SP3: variants seen among roughly 807,000 people sequenced by gnomAD.
The protein encoded by SP3 is Sp3 transcription factor.
A neutral mutation model predicts 70.3 loss-of-function variants in SP3; 10 were observed. The observed-to-expected ratio is 0.14, with a 90% confidence interval of 0.09 to 0.24. The LOEUF (loss-of-function observed/expected upper bound fraction) is 0.24. SP3 is among the 10% of genes least tolerant of loss of function. The pLI, the probability that SP3 is intolerant of heterozygous loss-of-function variation, is 1.00. For missense variants in SP3, 825 were observed against 914.6 expected (o/e 0.90, Z 1.26); for synonymous variants, 402 against 333.5 (o/e 1.21, Z -2.24).
chr2:173,912,489 A>C (rs897392074), intron 6 of SP3, among the ~76,000 whole-genome samples: 4 of 152,230 alleles, frequency 2.6e-5, no homozygotes, highest in Admixed American at 1.3e-4. Flanking sequence ...GGAAAAAACT[A>C]TCTCTAAGTT....
chr2:173,930,578 C>G (rs1690040090), intron 4 of SP3, among the ~76,000 whole-genome samples: 1 of 152,158 alleles, frequency 6.6e-6, no homozygotes, highest in African/African-American at 2.4e-5. Flanking sequence ...AGTTAAAATA[C>G]AATTTGTTTT....
chr2:173,950,755 G>A (rs1192941878), intron 4 of SP3, among the ~76,000 whole-genome samples: 1 of 151,792 alleles, frequency 6.6e-6, no homozygotes, highest in Non-Finnish European at 1.5e-5. Flanking sequence ...AAACAAAAAT[G>A]TTTTGCTCTG....
intron 4 of SP3, among the ~76,000 whole-genome samples, chr2:173,924,013 C>T (rs1473957706): frequency 6.6e-6 from 1 of 151,834 alleles, no homozygotes; most frequent in African/African-American, 2.4e-5. Flanking sequence ...TATAACTTCA[C>T]TAATGCTAAA....
rs1156786551 is a variant in SP3, at chr2:173,906,453, T to C, written c.*3488A>G. On this transcript the variant is annotated 3_prime_UTR_variant, in exon 7 of 7. Transcript: ENST00000310015. ...CAACAAAAGACTTAGTACTCATTCA[T>C]GGCAGTCAGTTTTAAACATACTGTT... The C allele has an allele frequency of 6.6e-6, 1 of 152,246 alleles. No homozygotes were observed. Among genetic ancestry groups the C allele is most frequent in the African/African-American group, 2.4e-5 (1 of 41,454 alleles). 9.4% of individuals were successfully genotyped at this position (152,246 alleles called of 1,614,324 possible). A position where few individuals can be genotyped will look rare whatever the true frequency, so the allele number is the denominator to read the frequency against.
intron 4 of SP3, among the ~76,000 whole-genome samples, chr2:173,950,239 C>T (rs533574782): frequency 6.7e-6 from 1 of 149,564 alleles, no homozygotes; most frequent in Non-Finnish European, 1.5e-5. Flanking sequence ...AATACAGGCT[C>T]GAGTAGAGGT....
At chr2:173,948,189 C>G (rs1399955418) in intron 4 of SP3, among the ~76,000 whole-genome samples, 1 of 152,146 alleles carries the variant, frequency 6.6e-6, no homozygotes, top group Non-Finnish European at 1.5e-5. Context: ...GACCTAAATA[C>G]TTAGCAAGTA....
At chr2:173,963,974 G>A (rs1329523390) in intron 2 of SP3, 91 bp from the exon 3 acceptor site, 31 of 879,066 alleles carry the variant, frequency 3.5e-5, no homozygotes, top group Non-Finnish European at 3.2e-6. Flanking sequence ...GTACGACTCG[G>A]TCCCCGCCGA....
At chr2:173,960,197 A>C (rs1294970674) in intron 3 of SP3, among the ~76,000 whole-genome samples, 1 of 152,218 alleles carries the variant, frequency 6.6e-6, no homozygotes, top group Non-Finnish European at 1.5e-5. Context: ...ATCTAACATG[A>C]ATGTTGGCAT....
At chr2:173,915,303 T>C (rs1046856270) in intron 5 of SP3, 3 of 152,088 alleles carry the variant, frequency 2.0e-5, no homozygotes, top group Admixed American at 1.3e-4. Flanking sequence ...CAAAATTCTA[T>C]TTAAAAAGAA....
chr2:173,932,625 G>T (rs181823544), intron 4 of SP3, among the ~76,000 whole-genome samples: 2 of 152,276 alleles, frequency 1.3e-5, no homozygotes, highest in East Asian at 3.9e-4. Context: ...ATGGGTGCAT[G>T]GTCTGTTGTG....
Position 173,965,225 on chromosome 2 carries a change from G to A in SP3, c.-54C>T, listed in dbSNP as rs1385949383. 2.6e-6 allele frequency: 4 copies of A among 1,541,162 alleles called. No homozygotes were observed. The highest frequency in any genetic ancestry group is 2.5e-5 in the East Asian group (1 of 40,420). On this transcript the variant is annotated 5_prime_UTR_variant, in exon 1 of 7. Coordinates refer to ENST00000310015, the MANE Select transcript of SP3 (RefSeq NM_003111.5). ...TCCCCGCCGCCTTACACATGGTGAG[G>A]AGCGAAGGCGGCGGCGGCGGGAGAG... is the stretch of plus-strand genomic sequence containing the variant.
chr2:173,918,476 C>T, intron 5 of SP3, 117 bp downstream of exon 5: 1 of 1,092,690 alleles, frequency 9.2e-7, no homozygotes, highest in East Asian at 2.4e-5. Flanking sequence ...CATACACACA[C>T]ACCAAAAATG....
chr2:173,953,700 A>T (rs1690786646), intron 4 of SP3, among the ~76,000 whole-genome samples: 1 of 151,806 alleles, frequency 6.6e-6, no homozygotes. Context: ...CCCAGAAGGC[A>T]GAGGTTGCAG....
chr2:173,925,416 G>GA (rs760602715), intron 4 of SP3, among the ~76,000 whole-genome samples: 8 of 152,130 alleles, frequency 5.3e-5, no homozygotes, highest in Non-Finnish European at 1.0e-4. Context: ...CCAAATGGGG[G>GA]AGAGATGAAA....
At chr2:173,959,796 C>G (rs112825023) in intron 3 of SP3, among the ~76,000 whole-genome samples, 1 of 152,132 alleles carries the variant, frequency 6.6e-6, no homozygotes, top group Non-Finnish European at 1.5e-5. Flanking sequence ...AACAGGCAAC[C>G]AAGACGAGAA....
In SP3 at chr2:173,903,825, C is replaced by T. The variant is rs947265325; in HGVS notation, c.*6116G>A. ...CACATTCTACCAGTCTTTCAAGGCC[C>T]ACCCTTTCTGATTCATCCAAGCTAT... On this transcript the variant is annotated 3_prime_UTR_variant, in exon 7 of 7. Coordinates refer to ENST00000310015, the MANE Select transcript of SP3 (RefSeq NM_003111.5). 1.3e-5 allele frequency among the ~76,000 whole-genome samples: 2 copies of T among 152,154 alleles called. No homozygotes were observed. The highest frequency in any genetic ancestry group is 2.9e-5 in the Non-Finnish European group (2 of 68,028).
intron 4 of SP3, among the ~76,000 whole-genome samples, chr2:173,944,821 A>T (rs1202418267): frequency 6.6e-6 from 1 of 151,916 alleles, no homozygotes; most frequent in Non-Finnish European, 1.5e-5. Flanking sequence ...AAAACAAACC[A>T]AAAAAAACCA....
rs1413223642 is a variant in SP3, at chr2:173,913,248, T to C, written c.1851A>G (p.Lys617=). The change falls in exon 6 of 7, where the codon AAA becomes AAG. Residue 617 remains lysine (K), a synonymous_variant. Transcript: ENST00000310015. The stretch of plus-strand genomic sequence containing the variant: ...GTATATGACAAATGTGTTGCTTCTT[T>C]TTCCCAAGATTGGTACCTCTAAAAA... ...EGGGRGTNLG[K]KKQHICHIPG... 2 of 1,596,404 alleles carry C rather than the reference T, an allele frequency of 1.3e-6. No homozygotes were observed. The highest frequency in any genetic ancestry group is 1.1e-5 in the South Asian group (1 of 87,408).
intron 4 of SP3, among the ~76,000 whole-genome samples, chr2:173,926,437 C>T (rs545145006): frequency 6.6e-6 from 1 of 152,148 alleles, no homozygotes; most frequent in Non-Finnish European, 1.5e-5. Flanking sequence ...ACCAAGAATA[C>T]AAAAATGAGG....
Sources: allele counts gnomAD v4.1 joint callset (sites outside exome capture counted in the v4.1 genomes callset), GRCh38; gene constraint gnomAD v4.1.1; transcripts MANE v1.5; gene names NCBI Gene and HGNC (gene_info 2026-07-23, HGNC 2026-07-21).